Variants in HLCS observed in about 807,000 individuals in gnomAD.
HLCS encodes the protein holocarboxylase synthetase.
In HLCS, 53 loss-of-function variants were observed where a neutral mutation model predicts 75.0. That is an observed-to-expected ratio of 0.71 (90% CI 0.57 to 0.89). The LOEUF (loss-of-function observed/expected upper bound fraction) is 0.89, where lower values mean the gene tolerates loss of function less well. Ranked by LOEUF, HLCS falls within the 40% of genes least tolerant of loss-of-function variation. The pLI, the probability that HLCS is intolerant of heterozygous loss-of-function variation, is 0.00. For missense variants in HLCS, 966 were observed against 1,074.0 expected (o/e 0.90, Z 1.41); for synonymous variants, 431 against 428.6 (o/e 1.01, Z -0.07).
At chr21:36,779,905 T>C (rs1601210890) in intron 6 of HLCS, among the ~76,000 whole-genome samples, 1 of 152,172 alleles carries the variant, frequency 6.6e-6, no homozygotes, top group Non-Finnish European at 1.5e-5. Context: ...CACACTCCCC[T>C]ACCCATTCCT....
In HLCS at chr21:36,751,781, C is replaced by T. The variant is rs1348367719; in HGVS notation, c.*2465G>A. ...CTTCCTCAAGAGTCCCCTTGAAACC[C>T]GTTACCAGCCTGGAAGGGAGGATAT... On this transcript the variant is annotated 3_prime_UTR_variant, in exon 11 of 11. Transcript: ENST00000674895. 4 of 152,184 alleles carry T rather than the reference C, an allele frequency of 2.6e-5. No homozygotes were observed. Among genetic ancestry groups the T allele is most frequent in the Admixed American group, 6.5e-5 (1 of 15,274 alleles). 9.4% of individuals were successfully genotyped at this position (152,184 alleles called of 1,614,324 possible).
chr21:36,943,191 ATATGATCTAGTAATTCT>A (rs1248438290), intron 2 of HLCS: 2 of 152,194 alleles, frequency 1.3e-5, no homozygotes, highest in African/African-American at 4.8e-5. Context: ...TAGAGTTACC[ATATGATCTAGTAATTCT>A]ACTCCCCAGT....
intron 5 of HLCS, among the ~76,000 whole-genome samples, chr21:36,900,579 T>C (rs754062019): frequency 2.6e-5 from 4 of 152,100 alleles, no homozygotes; most frequent in African/African-American, 4.8e-5. Flanking sequence ...GGGAAGGTCG[T>C]GGGATGTCCT....
intron 5 of HLCS, among the ~76,000 whole-genome samples, chr21:36,928,666 G>T (rs941864294): frequency 6.6e-6 from 1 of 152,182 alleles, no homozygotes; most frequent in East Asian, 1.9e-4. Context: ...AATTCAGTCA[G>T]AAATAAGCAG....
intron 2 of HLCS, among the ~76,000 whole-genome samples, chr21:36,942,398 C>CAAAAAAAAAAAAAAAAA (rs55999516): frequency 7.4e-5 from 6 of 80,974 alleles, no homozygotes; most frequent in African/African-American, 3.0e-4. Flanking sequence ...GACTCCGTCT[C>CAAAAAAAAAAAAAAAAA]AAAAAAAAAA....
At chr21:36,860,115 G>C (rs1747380742) in intron 6 of HLCS, among the ~76,000 whole-genome samples, 1 of 152,214 alleles carries the variant, frequency 6.6e-6, no homozygotes, top group Admixed American at 6.5e-5. Context: ...ATTTTGCAGT[G>C]GGAGGGGTTA....
Position 36,752,170 on chromosome 21 carries a change from C to G in HLCS, c.*2076G>C, listed in dbSNP as rs2089393646. 6.5e-6 allele frequency: 1 copy of G among 152,678 alleles called. No homozygotes were observed. Among genetic ancestry groups the G allele is most frequent in the Non-Finnish European group, 1.5e-5 (1 of 68,056 alleles). 9.5% of individuals were successfully genotyped at this position (152,678 alleles called of 1,614,324 possible). On this transcript the variant is annotated 3_prime_UTR_variant, in exon 11 of 11. Coordinates refer to ENST00000674895, the MANE Select transcript of HLCS (RefSeq NM_001352514.2). ...AGCATCTGCTTCAAGGCTGCTTCAT[C>G]TCTCTCAGGACAACTGAGTCTCCTG...
chr21:36,940,933 T>C (rs935457179), intron 2 of HLCS, among the ~76,000 whole-genome samples: 1 of 152,154 alleles, frequency 6.6e-6, no homozygotes, highest in Non-Finnish European at 1.5e-5. Flanking sequence ...GTGTTTGGGC[T>C]GGGCGCGGTG....
At chr21:36,813,690 G>A (rs1440242715) in intron 6 of HLCS, among the ~76,000 whole-genome samples, 1 of 152,140 alleles carries the variant, frequency 6.6e-6, no homozygotes, top group Non-Finnish European at 1.5e-5. Flanking sequence ...AAAGCAAAGA[G>A]TCACGGCAAA....
chr21:36,865,784 A>G (rs891872000), intron 6 of HLCS, among the ~76,000 whole-genome samples: 1 of 152,216 alleles, frequency 6.6e-6, no homozygotes, highest in Non-Finnish European at 1.5e-5. Flanking sequence ...AACATCAGCT[A>G]CCACACAAGT....
rs116344841 is a variant in HLCS at position 36,780,771 on chromosome 21, C to T, written c.1893-13486G>A. ...CAGAACCCCCACTACTGCACACAGC[C>T]GCGCAGAGATACCTGTTTCCCTACA... On this transcript the variant is annotated intron_variant, in intron 6 of 10. Transcript: ENST00000674895. 2.0e-3 allele frequency among the ~76,000 whole-genome samples: 303 copies of T among 152,192 alleles called. 2 individuals carry two copies. The highest frequency in any genetic ancestry group is 0.01 in the Middle Eastern group (3 of 294).
At chr21:36,770,979 C>T (rs1003685468) in intron 6 of HLCS, among the ~76,000 whole-genome samples, 2 of 151,954 alleles carry the variant, frequency 1.3e-5, no homozygotes, top group East Asian at 1.9e-4. Context: ...CAGCACTTTG[C>T]GAGGCCGAGG....
At chr21:36,965,486 C>T (rs895065823) in intron 1 of HLCS, among the ~76,000 whole-genome samples, 2 of 152,074 alleles carry the variant, frequency 1.3e-5, no homozygotes, top group African/African-American at 4.8e-5. Flanking sequence ...ATTGACTGGC[C>T]CAAGTCACAA....
At chr21:36,961,088 G>C (rs1311166393) in intron 2 of HLCS, among the ~76,000 whole-genome samples, 1 of 152,240 alleles carries the variant, frequency 6.6e-6, no homozygotes, top group Non-Finnish European at 1.5e-5. Context: ...GAGGAGGTGC[G>C]AGGAAAAGCC....
intron 5 of HLCS, 134 bp downstream of exon 5, chr21:36,930,117 T>C (rs1389332838): frequency 1.5e-5 from 12 of 822,794 alleles, no homozygotes; most frequent in Non-Finnish European, 2.5e-5. Flanking sequence ...ATCTTGAAGA[T>C]GATTTCCAAA....
At chr21:36,801,185 C>G (rs944802726) in intron 6 of HLCS, among the ~76,000 whole-genome samples, 35 of 152,302 alleles carry the variant, frequency 2.3e-4, no homozygotes, top group African/African-American at 7.5e-4. Flanking sequence ...GGTAAGCCGT[C>G]AATGCCCCCT....
intron 6 of HLCS, among the ~76,000 whole-genome samples, chr21:36,790,187 C>T (rs532688065): frequency 2.2e-4 from 33 of 152,268 alleles, no homozygotes; most frequent in African/African-American, 5.8e-4. Context: ...GGGCCCATCA[C>T]GAGGTCAGGA....
chr21:36,866,277 C>T (rs1303325238), intron 6 of HLCS, among the ~76,000 whole-genome samples: 1 of 152,052 alleles, frequency 6.6e-6, no homozygotes, highest in African/African-American at 2.4e-5. Flanking sequence ...TGGAGGAATT[C>T]ATTATTTTTT....
At chr21:36,851,218 T>A (rs2062993689) in intron 6 of HLCS, among the ~76,000 whole-genome samples, 1 of 152,202 alleles carries the variant, frequency 6.6e-6, no homozygotes, top group South Asian at 2.1e-4. Context: ...ACTGAAGAGC[T>A]ATCTGCACTC....
Sources: gnomAD v4.1 joint callset for allele counts (sites outside exome capture counted in the v4.1 genomes callset) on GRCh38, gnomAD v4.1.1 for gene constraint, MANE v1.5 for transcripts, NCBI Gene and HGNC (gene_info 2026-07-23, HGNC 2026-07-21) for gene names.